MMS22L: variants seen among roughly 807,000 people sequenced by gnomAD.
The protein encoded by MMS22L is protein MMS22-like.
MMS22L carries 74 observed loss-of-function variants against 159.1 expected under a neutral mutation model. That is an observed-to-expected ratio of 0.47 (90% CI 0.39 to 0.56). MMS22L has a LOEUF of 0.56. Ranked by LOEUF, MMS22L falls within the 20% of genes least tolerant of loss-of-function variation. The pLI, the probability that MMS22L is intolerant of heterozygous loss-of-function variation, is 0.00. For synonymous variants in MMS22L, 517 were observed against 506.9 expected (o/e 1.02, Z -0.27); for missense variants, 1,351 against 1,422.1 (o/e 0.95, Z 0.80).
In MMS22L at chr6:97,146,770, C is replaced by A; in HGVS notation, c.*36G>T. On this transcript the variant is annotated 3_prime_UTR_variant, in exon 25 of 25. Transcript: ENST00000683635. ...GAGTGGAACAATGTGGCTTTAGATA[C>A]TGATAATTAATAGACAGGATGAATC... The A allele has an allele frequency of 7.5e-7, 1 of 1,337,246 alleles. No individual in the cohort carries two copies. 82.8% of individuals were successfully genotyped at this position (1,337,246 alleles called of 1,614,324 possible).
chr6:97,167,863 C>T (rs1049856832), intron 20 of MMS22L, among the ~76,000 whole-genome samples: 7 of 151,808 alleles, frequency 4.6e-5, no homozygotes, highest in Non-Finnish European at 8.8e-5. Context: ...TCATCTACCT[C>T]CTCTCTCAAC....
At chr6:97,243,433 A>G (rs1427782243) in intron 11 of MMS22L, among the ~76,000 whole-genome samples, 1 of 151,778 alleles carries the variant, frequency 6.6e-6, no homozygotes, top group East Asian at 1.9e-4. Context: ...AGAAGTTGTG[A>G]TTGTTTTTTA....
rs918088514 is a variant in MMS22L, at chr6:97,178,037, G to A, written c.2679+406C>T. On this transcript the variant is annotated intron_variant, in intron 18 of 24. Transcript: ENST00000683635. ...ACTATACTATCATACGAAGTAGATG[G>A]TGCTTATGCCTACACTGTTCGCTAC... is the stretch of plus-strand genomic sequence containing the variant. Among the ~76,000 whole-genome samples, 27 of 152,150 alleles carry A rather than the reference G, an allele frequency of 1.8e-4. 1 individual carries two copies. Among genetic ancestry groups the A allele is most frequent in the Admixed American group, 1.1e-3 (17 of 15,276 alleles).
At chr6:97,188,511 A>G (rs1193311012) in intron 14 of MMS22L, among the ~76,000 whole-genome samples, 2 of 152,176 alleles carry the variant, frequency 1.3e-5, no homozygotes, top group Non-Finnish European at 2.9e-5. Context: ...AACAGTAGGA[A>G]AGCTAAATAT....
At chr6:97,196,888 A>G (rs992678854) in intron 14 of MMS22L, among the ~76,000 whole-genome samples, 1 of 152,122 alleles carries the variant, frequency 6.6e-6, no homozygotes, top group Non-Finnish European at 1.5e-5. Context: ...ATACATTTGT[A>G]TATCTATATC....
intron 14 of MMS22L, among the ~76,000 whole-genome samples, chr6:97,210,243 G>A (rs995125216): frequency 6.6e-6 from 1 of 151,742 alleles, no homozygotes; most frequent in African/African-American, 2.4e-5. Context: ...CTGTATTAAT[G>A]AATAACCAAG....
At chr6:97,161,152 T>C (rs890097818) in intron 22 of MMS22L, among the ~76,000 whole-genome samples, 7 of 152,080 alleles carry the variant, frequency 4.6e-5, no homozygotes, top group African/African-American at 1.7e-4. Flanking sequence ...TGGTGAAAAT[T>C]GGGCTTTTTA....
rs1190798937 is a variant in MMS22L, at chr6:97,145,972, A to C, written c.*834T>G. 2 of 152,190 alleles carry C rather than the reference A, an allele frequency of 1.3e-5. No homozygotes were observed. Among genetic ancestry groups the C allele is most frequent in the African/African-American group, 4.8e-5 (2 of 41,464 alleles). The allele number at this position is 152,190 out of a possible 1,614,324, so 9.4% of individuals were successfully genotyped here. ...TTGGATAAAATGCTAAGTTATAAGAAGCTCTGGCTAAAGAGCAAGAAGATG... is the reference window on the plus strand; with the variant it reads ...TTGGATAAAATGCTAAGTTATAAGACGCTCTGGCTAAAGAGCAAGAAGATG... On this transcript the variant is annotated 3_prime_UTR_variant, in exon 25 of 25. Coordinates refer to ENST00000683635, the MANE Select transcript of MMS22L (RefSeq NM_001350599.2).
intron 14 of MMS22L, among the ~76,000 whole-genome samples, chr6:97,193,553 A>AT (rs995140784): frequency 2.0e-5 from 3 of 152,144 alleles, no homozygotes; most frequent in African/African-American, 7.2e-5. Flanking sequence ...AGTAACAAGG[A>AT]TCCACTTCCT....
chr6:97,150,936 C>T (rs1035710652), intron 23 of MMS22L, among the ~76,000 whole-genome samples: 2 of 152,162 alleles, frequency 1.3e-5, no homozygotes, highest in African/African-American at 4.8e-5. Flanking sequence ...GAAAATATGC[C>T]TCAAGTTGCA....
chr6:97,174,363 G>A (rs548591161), intron 18 of MMS22L, among the ~76,000 whole-genome samples: 1 of 152,138 alleles, frequency 6.6e-6, no homozygotes, highest in South Asian at 2.1e-4. Flanking sequence ...ATTGGACCAT[G>A]AATTGCACCA....
intron 14 of MMS22L, among the ~76,000 whole-genome samples, chr6:97,221,118 C>A (rs1408241917): frequency 6.6e-6 from 1 of 152,072 alleles, no homozygotes; most frequent in Non-Finnish European, 1.5e-5. Context: ...TACTGATATG[C>A]CAGGCAATTT....
At chr6:97,151,964 T>C in intron 22 of MMS22L, 97 bp from the exon 23 acceptor site, 1 of 911,020 alleles carries the variant, frequency 1.1e-6, no homozygotes, top group African/African-American at 1.7e-5. Context: ...ATATGTTGTT[T>C]TCTTAAAGTA....
At chr6:97,271,011 A>G (rs1000946582) in intron 6 of MMS22L, 1 of 152,122 alleles carries the variant, frequency 6.6e-6, no homozygotes, top group Non-Finnish European at 1.5e-5. Context: ...TTGATGAAAA[A>G]GTAAATAAAA....
intron 15 of MMS22L, among the ~76,000 whole-genome samples, chr6:97,182,495 G>C (rs1334678546): frequency 6.6e-6 from 1 of 152,078 alleles, no homozygotes; most frequent in Non-Finnish European, 1.5e-5. Context: ...CTATTAAACA[G>C]AGATCTCCTA....
At chr6:97,248,902 G>A (rs1812947268) in intron 10 of MMS22L, among the ~76,000 whole-genome samples, 1 of 151,956 alleles carries the variant, frequency 6.6e-6, no homozygotes, top group Non-Finnish European at 1.5e-5. Context: ...GCTTCCTGGA[G>A]GTCATCTCTG....
At chr6:97,192,148 G>C (rs1407382247) in intron 14 of MMS22L, among the ~76,000 whole-genome samples, 1 of 150,782 alleles carries the variant, frequency 6.6e-6, no homozygotes, top group Non-Finnish European at 1.5e-5. Flanking sequence ...TGTGGAGGAG[G>C]GGGTAAGTAG....
At chr6:97,244,588 C>T (rs1189121594) in intron 11 of MMS22L, among the ~76,000 whole-genome samples, 1 of 152,164 alleles carries the variant, frequency 6.6e-6, no homozygotes, top group Non-Finnish European at 1.5e-5. Flanking sequence ...ACTAGACTGG[C>T]TTAGTCTCAC....
At position 97,150,000 on chromosome 6, in the gene MMS22L, C is replaced by T. The variant is rs751633562; in HGVS notation, c.3503G>A (p.Gly1168Asp). The T allele has an allele frequency of 5.6e-6, 9 of 1,613,322 alleles. No homozygotes were observed. Among genetic ancestry groups the T allele is most frequent in the Non-Finnish European group, 7.6e-6 (9 of 1,179,594 alleles). The change falls in exon 24 of 25, where the codon GGT (glycine) becomes GAT (aspartate). Residue 1168 changes from glycine to aspartate, a missense_variant. Transcript: ENST00000683635. ...SVFRQFIQDYGMRYYYQVYSI... is the reference protein window; with the variant it reads ...SVFRQFIQDYDMRYYYQVYSI... ...GTAAACCTGGTAATAGTACCTCATA[C>T]CATAATCCTGGATAAACTGCCTGAA...
Sources: allele counts gnomAD v4.1 joint callset (sites outside exome capture counted in the v4.1 genomes callset), GRCh38; gene constraint gnomAD v4.1.1; transcripts MANE v1.5; gene names NCBI Gene and HGNC (gene_info 2026-07-23, HGNC 2026-07-21).